The following P4HB variants were observed in gnomAD, a reference collection of about 807,000 sequenced individuals.
The protein encoded by P4HB is protein disulfide-isomerase.
In P4HB, 20 loss-of-function variants were observed where a neutral mutation model predicts 52.6. The observed-to-expected ratio is 0.38, with a 90% confidence interval of 0.27 to 0.55. The LOEUF is 0.55. Ranked by LOEUF, P4HB falls within the 20% of genes least tolerant of loss-of-function variation. The pLI is 0.74. For missense variants in P4HB, 601 were observed against 669.2 expected (o/e 0.90, Z 1.12); for synonymous variants, 296 against 277.9 (o/e 1.07, Z -0.65).
Position 81,845,740 on chromosome 17 carries a change from C to T in P4HB, c.1180G>A (p.Ala394Thr), listed in dbSNP as rs1399452036. 1.9e-6 allele frequency: 3 copies of T among 1,612,522 alleles called. No individual in the cohort carries two copies. The highest frequency in any genetic ancestry group is 1.3e-5 in the African/African-American group (1 of 74,886). ...EKKNVFVEFY[A>T]PWCGHCKQLA... ...TGTTTGCAGTGACCACACCATGGGG[C>T]ATCTGAAAAGAAAGCAGTTCTAGGG... Residue 394 changes from alanine (A) to threonine (T), a missense_variant and splice_region_variant, in exon 9 of 11, where the codon GCC becomes ACC. Ala to Thr is a moderately conservative substitution (Grantham distance 58). Transcript: ENST00000331483.
intron 2 of P4HB, among the ~76,000 whole-genome samples, chr17:81,857,820 C>T (rs780046375): frequency 1.3e-5 from 2 of 152,238 alleles, no homozygotes; most frequent in African/African-American, 4.8e-5. Context: ...CTCCCTGGTC[C>T]GAATCGGGAA....
chr17:81,857,703 C>T (rs1461934817), intron 2 of P4HB, among the ~76,000 whole-genome samples: 2 of 152,200 alleles, frequency 1.3e-5, no homozygotes, highest in African/African-American at 2.4e-5. Context: ...GAAGATGACA[C>T]ACTTTTATGC....
At chr17:81,850,016 C>A (rs1448057172) in intron 4 of P4HB, among the ~76,000 whole-genome samples, 1 of 146,606 alleles carries the variant, frequency 6.8e-6, no homozygotes, top group African/African-American at 2.5e-5. Context: ...TTAGTAGAGA[C>A]AGGGTTTTAC....
At position 81,846,321 on chromosome 17, in the gene P4HB, C is replaced by T. The variant is rs1188382976; in HGVS notation, c.1056+108G>A. 2.9e-6 allele frequency: 3 copies of T among 1,041,542 alleles called. No homozygotes were observed. The highest frequency in any genetic ancestry group is 1.5e-6 in the Non-Finnish European group (1 of 685,884). 64.5% of individuals were successfully genotyped at this position (1,041,542 alleles called of 1,614,324 possible). A position where few individuals can be genotyped will look rare whatever the true frequency, so the allele number is the denominator to read the frequency against. ...CACCATCTTGGGCTCCGTCCTCTTA[C>T]TCTGAAGATCTTACTTTGAGGACGA... On this transcript the variant is annotated intron_variant, in intron 7 of 10. Transcript: ENST00000331483. The surrounding 1 kb of genome is among the most constrained non-coding windows in gnomAD (Gnocchi z 5.7).
intron 5 of P4HB, 42 bp from the exon 6 acceptor site, chr17:81,847,114 A>G (rs771447037): frequency 4.3e-6 from 7 of 1,612,744 alleles, no homozygotes; most frequent in Non-Finnish European, 5.9e-6. Context: ...GTCACACACT[A>G]TTAATGCAGA....
intron 10 of P4HB, among the ~76,000 whole-genome samples, chr17:81,844,402 G>A (rs934759178): frequency 6.6e-6 from 1 of 152,170 alleles, no homozygotes; most frequent in Non-Finnish European, 1.5e-5. Flanking sequence ...CTCCCAGCTT[G>A]GCACCATGGA....
At chr17:81,850,527 G>A (rs1472967030) in intron 4 of P4HB, among the ~76,000 whole-genome samples, 5 of 151,940 alleles carry the variant, frequency 3.3e-5, no homozygotes, top group African/African-American at 1.2e-4. Flanking sequence ...TCCCTGGCTA[G>A]AGTGCAATGG....
rs2038732046 is a variant in P4HB, at chr17:81,846,132, A to G, written c.1057-141T>C. 1 of 1,149,312 alleles carries G rather than the reference A, an allele frequency of 8.7e-7. No individual in the cohort carries two copies. Among genetic ancestry groups the G allele is most frequent in the East Asian group, 2.6e-5 (1 of 38,758 alleles). The allele number at this position is 1,149,312 out of a possible 1,614,324, so 71.2% of individuals were successfully genotyped here. ...GCAGCCGCAGACACCAACAGTGCCA[A>G]GAATCCAGAAAGAGAAGGCTGGGCC... On this transcript the variant is annotated intron_variant, in intron 7 of 10. Coordinates refer to ENST00000331483, the MANE Select transcript of P4HB (RefSeq NM_000918.4). This position sits in a 1 kb window ranked among gnomAD's most constrained non-coding sequence, Gnocchi z 5.7.
chr17:81,851,511 G>A (rs939810885), intron 4 of P4HB, among the ~76,000 whole-genome samples: 5 of 152,360 alleles, frequency 3.3e-5, no homozygotes, highest in Admixed American at 1.3e-4. Context: ...AGGCAGAAAA[G>A]CCAAGTTCAG....
Position 81,847,136 on chromosome 17 carries a change from A to G in P4HB, c.730-64T>C, listed in dbSNP as rs1348711316. 14 of 1,605,844 alleles carry G rather than the reference A, an allele frequency of 8.7e-6. No individual in the cohort carries two copies. The East Asian group carries it at 1.3e-4, about 15-fold the overall frequency. ...ACTATTAATGCAGAAGATTCTCCCA[A>G]TGGCCTCCAATGTCAGACGCTGGAC... On this transcript the variant is annotated intron_variant, in intron 5 of 10. Transcript: ENST00000331483.
chr17:81,858,500 G>A lies in P4HB; in HGVS notation c.352+681C>T, dbSNP rs1325911272. Among the ~76,000 whole-genome samples the A allele has an allele frequency of 2.0e-5, 3 of 152,138 alleles. No individual in the cohort carries two copies. The East Asian group carries it at 5.8e-4, about 29-fold the overall frequency. On this transcript the variant is annotated intron_variant, in intron 2 of 10. Transcript: ENST00000331483. ...GCTGCTTTCGGGCTACCCACCATGA[G>A]CATCTGACATGCCACAGAACCGGTT...
At position 81,843,881 on chromosome 17, in the gene P4HB, C is replaced by T; in HGVS notation, c.*131G>A. 1 of 742,750 alleles carries T rather than the reference C, an allele frequency of 1.3e-6. No homozygotes were observed. The highest frequency in any genetic ancestry group is 2.4e-6 in the Non-Finnish European group (1 of 408,754). 46.0% of individuals were successfully genotyped at this position (742,750 alleles called of 1,614,324 possible). A position where few individuals can be genotyped will look rare whatever the true frequency, so the allele number is the denominator to read the frequency against. Reference sequence around the variant, plus strand: ...GACGGTGTGTAGGGGTGAGGTGTCACTTCAGAGAGGTTCCCTGGGTTTCCG... The same window carrying T: ...GACGGTGTGTAGGGGTGAGGTGTCATTTCAGAGAGGTTCCCTGGGTTTCCG... On this transcript the variant is annotated 3_prime_UTR_variant, in exon 11 of 11. Transcript: ENST00000331483.
chr17:81,860,150 C>T (rs1312876930), intron 1 of P4HB, 177 bp downstream of exon 1: 1 of 477,294 alleles, frequency 2.1e-6, no homozygotes, highest in East Asian at 3.7e-5. Flanking sequence ...CGGCTCCCAG[C>T]CCGGCTCTCA....
At chr17:81,859,636 G>A (rs2038966316) in intron 1 of P4HB, 1 of 538,180 alleles carries the variant, frequency 1.9e-6, no homozygotes, top group South Asian at 2.2e-5. Context: ...GTCACCATCA[G>A]CACAGCCAGA....
In P4HB at chr17:81,843,969, GCC is replaced by G; in HGVS notation, c.*41_*42del. The G allele has an allele frequency of 7.0e-7, 1 of 1,421,318 alleles. No individual in the cohort carries two copies. The highest frequency in any genetic ancestry group is 1.0e-6 in the Non-Finnish European group (1 of 1,004,950). 88.0% of individuals were successfully genotyped at this position (1,421,318 alleles called of 1,614,324 possible). On this transcript the variant is annotated 3_prime_UTR_variant, in exon 11 of 11. Transcript: ENST00000331483. The stretch of plus-strand genomic sequence containing the variant: ...GGCGTGCGCTGCTGCTGGGTGTGCA[GCC>G]CCCGAGGGGTCTCGGCAGCGCCCGG...
chr17:81,857,339 G>T (rs1325681459), intron 2 of P4HB, among the ~76,000 whole-genome samples: 1 of 152,034 alleles, frequency 6.6e-6, no homozygotes, highest in African/African-American at 2.4e-5. Flanking sequence ...GTAGAGACGG[G>T]GGTTTCACCA....
Position 81,855,779 on chromosome 17 carries a change from G to A in P4HB, c.353-193C>T. On this transcript the variant is annotated intron_variant, in intron 2 of 10. Coordinates refer to ENST00000331483, the MANE Select transcript of P4HB (RefSeq NM_000918.4). This position sits in a 1 kb window ranked among gnomAD's most constrained non-coding sequence, Gnocchi z 4.3. Reference sequence around the variant, plus strand: ...TAAACCCCAGTGTACGTGAGACTGTGGTTGTGTTTATGGGGAGTGGAGAGG... The same window carrying A: ...TAAACCCCAGTGTACGTGAGACTGTAGTTGTGTTTATGGGGAGTGGAGAGG... The A allele has an allele frequency of 1.7e-6, 1 of 586,612 alleles. No homozygotes were observed. Among genetic ancestry groups the A allele is most frequent in the Non-Finnish European group, 2.9e-6 (1 of 339,096 alleles). The allele number at this position is 586,612 out of a possible 1,614,324, so 36.3% of individuals were successfully genotyped here.
chr17:81,859,307 C>G lies in P4HB; in HGVS notation c.226G>C (p.Glu76Gln), dbSNP rs750436142. 1.2e-6 allele frequency: 2 copies of G among 1,613,896 alleles called. No individual in the cohort carries two copies. The change falls in exon 2 of 11, where the codon GAG (glutamate) becomes CAG (glutamine). Residue 76 changes from glutamate to glutamine, a missense_variant. By Grantham distance (29) the Glu-to-Gln change is conservative. Transcript: ENST00000331483. ...AAGKLKAEGS[E>Q]IRLAKVDATE... Reference sequence around the variant, plus strand: ...GCGTCCACCTTGGCCAACCTGATCTCGGAACCTTCTGCCTTCAGCTTCCCA... The same window carrying G: ...GCGTCCACCTTGGCCAACCTGATCTGGGAACCTTCTGCCTTCAGCTTCCCA...
intron 2 of P4HB, among the ~76,000 whole-genome samples, chr17:81,857,104 T>C (rs1378507295): frequency 2.6e-5 from 4 of 152,148 alleles, no homozygotes; most frequent in Non-Finnish European, 5.9e-5. Flanking sequence ...TTGTATTTTT[T>C]GTAGACAGGG....
Sources: allele counts gnomAD v4.1 joint callset (sites outside exome capture counted in the v4.1 genomes callset), GRCh38; gene constraint gnomAD v4.1.1; non-coding constraint Gnocchi (gnomAD v3.1); transcripts MANE v1.5; gene names NCBI Gene and HGNC (gene_info 2026-07-23, HGNC 2026-07-21).